SLCO3A1: variants seen among roughly 807,000 people sequenced by gnomAD.
SLCO3A1 encodes PGE1 transporter.
In SLCO3A1, 27 loss-of-function variants were observed where a neutral mutation model predicts 63.1. That is an observed-to-expected ratio of 0.43 (90% CI 0.32 to 0.59). The LOEUF is 0.59. Ranked by LOEUF, SLCO3A1 falls within the 20% of genes least tolerant of loss-of-function variation. The pLI, the probability that SLCO3A1 is intolerant of heterozygous loss-of-function variation, is 0.09. For synonymous variants in SLCO3A1, 473 were observed against 409.9 expected, an observed-to-expected ratio of 1.15 and a Z score of -1.86; for missense variants, 773 against 945.8, an observed-to-expected ratio of 0.82 and a Z score of 2.40.
intron 7 of SLCO3A1, among the ~76,000 whole-genome samples, chr15:92,129,926 C>A (rs533904605): frequency 3.3e-5 from 5 of 152,186 alleles, no homozygotes; most frequent in African/African-American, 1.2e-4. Flanking sequence ...AAAGCAATTT[C>A]TTTATGTGAG....
At chr15:92,141,948 A>G (rs2048138878) in intron 7 of SLCO3A1, among the ~76,000 whole-genome samples, 1 of 152,182 alleles carries the variant, frequency 6.6e-6, no homozygotes, top group Non-Finnish European at 1.5e-5. Context: ...CCTGCTCCCC[A>G]TGTGTGGGAC....
At chr15:92,160,942 T>C (rs1165061326) in intron 9 of SLCO3A1, among the ~76,000 whole-genome samples, 1 of 152,010 alleles carries the variant, frequency 6.6e-6, no homozygotes, top group Non-Finnish European at 1.5e-5. Context: ...ATGAACCCCC[T>C]GAGATACAGG....
In SLCO3A1 at chr15:92,026,525, A is replaced by G. The variant is rs2046575556; in HGVS notation, c.647-68356A>G. Among the ~76,000 whole-genome samples, 8 of 152,356 alleles carry G rather than the reference A, an allele frequency of 5.3e-5. No homozygotes were observed. The South Asian group carries it at 1.7e-3, about 32-fold the overall frequency. ...GGACAAACAGGTTTACAAAGCAGCTAGAGTCCACAGTAATTAAAAAGAAAA... is the reference window on the plus strand; with the variant it reads ...GGACAAACAGGTTTACAAAGCAGCTGGAGTCCACAGTAATTAAAAAGAAAA... On this transcript the variant is annotated intron_variant, in intron 2 of 9. Coordinates refer to ENST00000318445, the MANE Select transcript of SLCO3A1 (RefSeq NM_013272.4).
chr15:91,900,583 C>T lies in SLCO3A1; in HGVS notation c.181-15410C>T, dbSNP rs527571583. 6.6e-6 allele frequency among the ~76,000 whole-genome samples: 1 copy of T among 152,312 alleles called. No individual in the cohort carries two copies. The highest frequency in any genetic ancestry group is 2.1e-4 in the South Asian group (1 of 4,822). The stretch of plus-strand genomic sequence containing the variant: ...ACCTCAGGTGATCCGCCCGCCTTGG[C>T]CTCCCAAAGTGCTGGGATTACAGGT... On this transcript the variant is annotated intron_variant, in intron 1 of 9. Coordinates refer to ENST00000318445, the MANE Select transcript of SLCO3A1 (RefSeq NM_013272.4). The surrounding 1 kb of genome is among the most constrained non-coding windows in gnomAD (Gnocchi z 4.3).
At chr15:92,082,919 G>A (rs2047363790) in intron 2 of SLCO3A1, among the ~76,000 whole-genome samples, 1 of 152,176 alleles carries the variant, frequency 6.6e-6, no homozygotes, top group Admixed American at 6.5e-5. Context: ...GCAGCTGACT[G>A]ATCTCTCTGC....
intron 2 of SLCO3A1, among the ~76,000 whole-genome samples, chr15:91,979,521 C>T (rs530009475): frequency 2.6e-5 from 4 of 152,124 alleles, no homozygotes; most frequent in African/African-American, 9.7e-5. Flanking sequence ...TTAGCAGAAC[C>T]TTTCTTCTTT....
rs569728523 is a variant in SLCO3A1, at chr15:92,139,619, G to A, written c.1513-7365G>A. Among the ~76,000 whole-genome samples the A allele has an allele frequency of 5.3e-3, 809 of 152,236 alleles. 7 individuals carry two copies. The highest frequency in any genetic ancestry group is 0.019 in the African/African-American group (776 of 41,534). Reference sequence around the variant, plus strand: ...TCCATCTGGTTCTGGACTCTTTTTGGTTGGTAAACTACTGATTATTGCCAC... The same window carrying A: ...TCCATCTGGTTCTGGACTCTTTTTGATTGGTAAACTACTGATTATTGCCAC... On this transcript the variant is annotated intron_variant, in intron 7 of 9. Transcript: ENST00000318445.
At chr15:91,983,549 C>G (rs557341189) in intron 2 of SLCO3A1, among the ~76,000 whole-genome samples, 1 of 152,120 alleles carries the variant, frequency 6.6e-6, no homozygotes, top group South Asian at 2.1e-4. Context: ...TCCATCAGAA[C>G]GAAGCATGAG....
At chr15:91,914,020 TTC>T (rs1407549640) in intron 1 of SLCO3A1, among the ~76,000 whole-genome samples, 1 of 152,228 alleles carries the variant, frequency 6.6e-6, no homozygotes, top group African/African-American at 2.4e-5. Flanking sequence ...ACCTTTGCTG[TTC>T]TCCGGTGTTC....
intron 2 of SLCO3A1, among the ~76,000 whole-genome samples, chr15:92,073,203 T>C (rs1452844327): frequency 1.3e-5 from 2 of 152,186 alleles, no homozygotes; most frequent in Non-Finnish European, 2.9e-5. Context: ...GGTTTCATCA[T>C]CTGTGAAAAA....
chr15:91,945,130 G>T (rs141710162), intron 2 of SLCO3A1, among the ~76,000 whole-genome samples: 5 of 152,250 alleles, frequency 3.3e-5, no homozygotes, highest in African/African-American at 4.8e-5. Context: ...CGATCACGAG[G>T]TCAGGAGTTC....
chr15:92,058,351 C>A (rs771747433), intron 2 of SLCO3A1, among the ~76,000 whole-genome samples: 2 of 152,086 alleles, frequency 1.3e-5, no homozygotes, highest in African/African-American at 4.8e-5. Flanking sequence ...AAATGGGGTT[C>A]ATTATTGAGT....
intron 3 of SLCO3A1, among the ~76,000 whole-genome samples, chr15:92,097,687 G>T (rs967353279): frequency 6.6e-6 from 1 of 152,184 alleles, no homozygotes; most frequent in Non-Finnish European, 1.5e-5. Context: ...AAGAATGCAA[G>T]GTGCATTGTC....
At chr15:92,149,943 T>TG (rs1181428907) in intron 8 of SLCO3A1, among the ~76,000 whole-genome samples, 2 of 152,170 alleles carry the variant, frequency 1.3e-5, no homozygotes, top group African/African-American at 4.8e-5. Flanking sequence ...ATAATAGCTT[T>TG]GAAGAACTTG....
At chr15:92,011,782 G>A (rs546832554) in intron 2 of SLCO3A1, among the ~76,000 whole-genome samples, 2 of 152,376 alleles carry the variant, frequency 1.3e-5, no homozygotes, top group South Asian at 4.1e-4. Flanking sequence ...TGCAGTCACA[G>A]CCCAGGACCT....
At chr15:91,996,825 A>C (rs1329594867) in intron 2 of SLCO3A1, among the ~76,000 whole-genome samples, 1 of 152,222 alleles carries the variant, frequency 6.6e-6, no homozygotes, top group African/African-American at 2.4e-5. Flanking sequence ...TGCATACCAC[A>C]GTATAAATAT....
In SLCO3A1 at chr15:91,876,942, G is replaced by A. The variant is rs190565933; in HGVS notation, c.180+22854G>A. Among the ~76,000 whole-genome samples, 259 of 152,312 alleles carry A rather than the reference G, an allele frequency of 1.7e-3. 2 individuals are homozygous for A. The highest frequency in any genetic ancestry group is 7.7e-3 in the South Asian group (37 of 4,820). ...TCATTACAGATATTTGACTTTTGCC[G>A]ATATGTTTGGGGTTCTGCTGTTTGA... On this transcript the variant is annotated intron_variant, in intron 1 of 9. Transcript: ENST00000318445.
At chr15:92,143,006 G>A (rs1045618654) in intron 7 of SLCO3A1, among the ~76,000 whole-genome samples, 20 of 152,008 alleles carry the variant, frequency 1.3e-4, no homozygotes, top group Non-Finnish European at 2.8e-4. Context: ...TCTGGCGTCA[G>A]TCACTCAACT....
At chr15:92,156,952 A>G (rs2048378750) in intron 9 of SLCO3A1, among the ~76,000 whole-genome samples, 2 of 152,248 alleles carry the variant, frequency 1.3e-5, no homozygotes, top group African/African-American at 2.4e-5. Context: ...CTAAGAGAGT[A>G]AATTAAATAG....
Sources: gnomAD v4.1 joint callset for allele counts (sites outside exome capture counted in the v4.1 genomes callset) on GRCh38, gnomAD v4.1.1 for gene constraint, Gnocchi (gnomAD v3.1) non-coding constraint, MANE v1.5 for transcripts, NCBI Gene and HGNC (gene_info 2026-07-23, HGNC 2026-07-21) for gene names.